The following ADCY8 variants were observed in gnomAD, a reference collection of about 807,000 sequenced individuals.
The protein encoded by ADCY8 is adenylate cyclase 8.
ADCY8 carries 51 observed loss-of-function variants against 119.7 expected under a neutral mutation model. The ratio of observed to expected loss-of-function variants is 0.43; its 90% CI spans 0.34 to 0.54. ADCY8 has a LOEUF of 0.54. Ranked by LOEUF, ADCY8 falls within the 20% of genes least tolerant of loss-of-function variation. The pLI is 0.03. For synonymous variants in ADCY8, 665 were observed against 651.0 expected (o/e 1.02, Z -0.33); for missense variants, 1,383 against 1,598.8 (o/e 0.87, Z 2.30).
At chr8:130,931,629 C>T (rs777851439) in intron 5 of ADCY8, among the ~76,000 whole-genome samples, 2 of 151,986 alleles carry the variant, frequency 1.3e-5, no homozygotes, top group Non-Finnish European at 2.9e-5. Flanking sequence ...TTTCTTTATA[C>T]TTCTTTATTC....
rs113141582 is a variant in ADCY8 at position 130,785,547 on chromosome 8, G to A, written c.3061-72C>T. The stretch of plus-strand genomic sequence containing the variant: ...CAGCAGCCTGGGCTCCTGAAAACAG[G>A]CCCCTGGCTCACAATGAGCTACCTC... On this transcript the variant is annotated intron_variant, in intron 15 of 17. Coordinates refer to ENST00000286355, the MANE Select transcript of ADCY8 (RefSeq NM_001115.3). 7.0e-4 allele frequency: 795 copies of A among 1,132,236 alleles called. 1 individual carries two copies. The African/African-American group carries it at 0.011, about 15-fold the overall frequency. The allele number at this position is 1,132,236 out of a possible 1,614,324, so 70.1% of individuals were successfully genotyped here.
At chr8:130,855,983 C>A (rs1174142118) in intron 9 of ADCY8, among the ~76,000 whole-genome samples, 1 of 152,076 alleles carries the variant, frequency 6.6e-6, no homozygotes, top group Non-Finnish European at 1.5e-5. Flanking sequence ...TTAATGAAGA[C>A]TCCTCTGCCA....
intron 9 of ADCY8, among the ~76,000 whole-genome samples, chr8:130,865,290 G>A (rs1260670422): frequency 3.3e-5 from 5 of 151,834 alleles, no homozygotes; most frequent in South Asian, 2.1e-4. Context: ...TTTTTGCTGC[G>A]TTTATGTGCT....
At chr8:131,005,334 C>T (rs1030290626) in intron 1 of ADCY8, among the ~76,000 whole-genome samples, 1 of 152,182 alleles carries the variant, frequency 6.6e-6, no homozygotes, top group African/African-American at 2.4e-5. Flanking sequence ...TACTGCCGTC[C>T]TCATACAGGC....
chr8:130,912,743 T>C (rs889536463), intron 5 of ADCY8, among the ~76,000 whole-genome samples: 4 of 152,088 alleles, frequency 2.6e-5, no homozygotes, highest in Admixed American at 6.6e-5. Context: ...ATGGATGAGG[T>C]TTTTCTTGAT....
At chr8:130,812,777 T>C (rs762703930) in intron 14 of ADCY8, among the ~76,000 whole-genome samples, 9 of 152,200 alleles carry the variant, frequency 5.9e-5, no homozygotes, top group Non-Finnish European at 1.0e-4. Context: ...TAAGAAGATA[T>C]ATACACACAT....
intron 8 of ADCY8, among the ~76,000 whole-genome samples, chr8:130,882,186 C>G (rs76412733): frequency 0.086 from 12,878 of 149,444 alleles, 598 homozygotes; most frequent in Non-Finnish European, 0.1. Context: ...TTGATGACAC[C>G]TTAGAGTCAA....
intron 8 of ADCY8, among the ~76,000 whole-genome samples, chr8:130,875,569 TC>T (rs2130427448): frequency 6.6e-6 from 1 of 152,250 alleles, no homozygotes; most frequent in South Asian, 2.1e-4. Context: ...AATTCCAGAG[TC>T]CAACATCATA....
chr8:130,933,535 T>C (rs980128864), intron 5 of ADCY8, among the ~76,000 whole-genome samples: 1 of 152,230 alleles, frequency 6.6e-6, no homozygotes, highest in Admixed American at 6.5e-5. Context: ...AATTCCTTTT[T>C]AGCATGCTTT....
intron 7 of ADCY8, among the ~76,000 whole-genome samples, chr8:130,894,824 T>C (rs1819327878): frequency 6.6e-6 from 1 of 152,140 alleles, no homozygotes; most frequent in South Asian, 2.1e-4. Flanking sequence ...GCAGGAAAAC[T>C]GGTGGGTCAG....
intron 1 of ADCY8, among the ~76,000 whole-genome samples, chr8:131,025,589 G>A (rs1172451242): frequency 1.3e-5 from 2 of 152,150 alleles, no homozygotes; most frequent in African/African-American, 4.8e-5. Context: ...TTTAACAGTA[G>A]AGACAAATAA....
intron 9 of ADCY8, among the ~76,000 whole-genome samples, chr8:130,859,599 ATTC>A (rs1817860639): frequency 2.0e-5 from 3 of 152,306 alleles, no homozygotes; most frequent in African/African-American, 7.2e-5. Flanking sequence ...ATACAGTTAG[ATTC>A]TTTTGTCACA....
chr8:130,862,513 C>T (rs750293822), intron 9 of ADCY8, among the ~76,000 whole-genome samples: 4 of 152,046 alleles, frequency 2.6e-5, no homozygotes, highest in Non-Finnish European at 4.4e-5. Context: ...CCCAGGTTCA[C>T]GCCATTCTCC....
intron 5 of ADCY8, among the ~76,000 whole-genome samples, chr8:130,927,885 C>A (rs1820519603): frequency 6.6e-6 from 1 of 152,054 alleles, no homozygotes; most frequent in Non-Finnish European, 1.5e-5. Context: ...TTTTTCAGAT[C>A]TTAGAGGAAA....
intron 14 of ADCY8, among the ~76,000 whole-genome samples, chr8:130,806,331 A>T (rs1393946883): frequency 1.3e-5 from 2 of 152,140 alleles, no homozygotes; most frequent in Admixed American, 6.5e-5. Context: ...TGTCCCTTTC[A>T]GCCTGGGAGC....
At chr8:130,810,347 TACACACACACACAC>T (rs58781726) in intron 14 of ADCY8, among the ~76,000 whole-genome samples, 1,832 of 142,746 alleles carry the variant, frequency 0.013, 35 homozygotes, top group African/African-American at 0.045. Context: ...TCTCTTTTTC[TACACACACACACAC>T]ACACACACAC....
At chr8:130,909,119 T>C (rs1316370459) in intron 6 of ADCY8, among the ~76,000 whole-genome samples, 2 of 152,094 alleles carry the variant, frequency 1.3e-5, no homozygotes, top group Non-Finnish European at 2.9e-5. Flanking sequence ...ATATCTGAGA[T>C]CTTATTAGGT....
chr8:130,800,330 G>A (rs200520909), intron 15 of ADCY8, 96 bp downstream of exon 15: 2 of 702,970 alleles, frequency 2.8e-6, no homozygotes, highest in Admixed American at 2.8e-5. Flanking sequence ...TCCGTTAAGT[G>A]CAAAAAAAAA....
intron 8 of ADCY8, among the ~76,000 whole-genome samples, chr8:130,882,805 T>C (rs756086598): frequency 6.6e-6 from 1 of 152,142 alleles, no homozygotes; most frequent in Non-Finnish European, 1.5e-5. Flanking sequence ...TGCTCAGCAG[T>C]AACACAGTCC....
Sources: allele counts gnomAD v4.1 joint callset (sites outside exome capture counted in the v4.1 genomes callset), GRCh38; gene constraint gnomAD v4.1.1; transcripts MANE v1.5; gene names NCBI Gene and HGNC (gene_info 2026-07-23, HGNC 2026-07-21).